The following FGG variants were observed in gnomAD, a reference collection of about 807,000 sequenced individuals.
The protein encoded by FGG is fibrinogen gamma chain.
FGG carries 20 observed loss-of-function variants against 51.7 expected under a neutral mutation model. The observed-to-expected ratio is 0.39, with a 90% CI of 0.27 to 0.56. The LOEUF (loss-of-function observed/expected upper bound fraction) is 0.56. Among genes scored for constraint, FGG ranks in the 20% least tolerant of loss-of-function variants. FGG has a pLI of 0.64. For synonymous variants in FGG, 184 were observed against 184.7 expected, an observed-to-expected ratio of 1.00 and a Z score of 0.03; for missense variants, 460 against 534.2, an observed-to-expected ratio of 0.86 and a Z score of 1.37.
In FGG at chr4:154,604,263, G is replaced by A; in HGVS notation, c.*571C>T. The A allele has an allele frequency of 8.3e-7, 1 of 1,201,904 alleles. No individual in the cohort carries two copies. The highest frequency in any genetic ancestry group is 1.1e-6 in the Non-Finnish European group (1 of 880,588). 74.5% of individuals were successfully genotyped at this position (1,201,904 alleles called of 1,614,324 possible). ...TGAAGTGAAGCTTTGCAAGTCCATT[G>A]TCCAATAGGAAAAATATTATATCTC... On this transcript the variant is annotated 3_prime_UTR_variant, in exon 9 of 9. Transcript: ENST00000336098.
At position 154,604,712 on chromosome 4, in the gene FGG, T is replaced by C. The variant is rs776739809; in HGVS notation, c.*122A>G. ...AGTCCTAAATGAGTTTTAATTTCCATTGAAGGCTAAATGTCCTTAATAGAA... is the reference window on the plus strand; with the variant it reads ...AGTCCTAAATGAGTTTTAATTTCCACTGAAGGCTAAATGTCCTTAATAGAA... On this transcript the variant is annotated 3_prime_UTR_variant, in exon 9 of 9. Transcript: ENST00000336098. The C allele has an allele frequency of 7.3e-5, 111 of 1,517,508 alleles. No individual in the cohort carries two copies. Among genetic ancestry groups the C allele is most frequent in the Non-Finnish European group, 9.3e-5 (106 of 1,137,314 alleles). The allele number at this position is 1,517,508 out of a possible 1,614,324, so 94.0% of individuals were successfully genotyped here.
chr4:154,609,569 C>T lies in FGG; in HGVS notation c.666+61G>A, dbSNP rs1731162169. 6 of 1,596,530 alleles carry T rather than the reference C, an allele frequency of 3.8e-6. No individual in the cohort carries two copies. In the African/African-American group the frequency reaches 5.4e-5, roughly 14 times the overall value. On this transcript the variant is annotated intron_variant, in intron 6 of 8. Transcript: ENST00000336098. ...GTTCACAAGGTGCTTAGAAAAGTAT[C>T]TGCCATATGGCAGAAACAATGTAGG... is the stretch of plus-strand genomic sequence containing the variant.
chr4:154,610,417 C>A (rs1054936458), intron 4 of FGG, among the ~76,000 whole-genome samples: 1 of 151,936 alleles, frequency 6.6e-6, no homozygotes, highest in Admixed American at 6.6e-5. Context: ...ATCAAAAAAT[C>A]AATTAAAACA....
Position 154,607,940 on chromosome 4 carries a change from T to C in FGG, c.851+526A>G, listed in dbSNP as rs181024882. On this transcript the variant is annotated intron_variant, in intron 7 of 8. Coordinates refer to ENST00000336098, the MANE Select transcript of FGG (RefSeq NM_021870.3). ...ATCAAAAGAGCTAGCTGGTTTACTT[T>C]TAGGGTAGCTCATGATTTGACAGAA... Among the ~76,000 whole-genome samples the C allele has an allele frequency of 2.2e-3, 334 of 152,248 alleles. 1 individual carries two copies. Among genetic ancestry groups the C allele is most frequent in the African/African-American group, 7.3e-3 (303 of 41,554 alleles).
intron 8 of FGG, among the ~76,000 whole-genome samples, 195 bp from the exon 9 acceptor site, chr4:154,605,261 C>T (rs1181016824): frequency 1.3e-5 from 2 of 152,138 alleles, no homozygotes; most frequent in African/African-American, 4.8e-5. Flanking sequence ...AACATCTGTG[C>T]TGTGACTCAT....
At position 154,609,710 on chromosome 4, in the gene FGG, T is replaced by C; in HGVS notation, c.586A>G (p.Lys196Glu). 3 of 1,614,018 alleles carry C rather than the reference T, an allele frequency of 1.9e-6. No individual in the cohort carries two copies. The highest frequency in any genetic ancestry group is 2.5e-6 in the Non-Finnish European group (3 of 1,179,906). ...AATTGCTGGTTAGCTTTCAGAGGTTTAATAAAGTAAAGCCCGCTCTGTTTA... is the reference window on the plus strand; with the variant it reads ...AATTGCTGGTTAGCTTTCAGAGGTTCAATAAAGTAAAGCCCGCTCTGTTTA... ...GAKQSGLYFI[K>E]PLKANQQFLV... The change falls in exon 6 of 9, where the codon AAA (lysine) becomes GAA (glutamate). Residue 196 changes from lysine to glutamate, a missense_variant. Around this residue, in one of 3 missense-constraint regions of FGG, gnomAD observed 353 missense variants for 391.7 expected, o/e 0.90. Transcript: ENST00000336098.
Position 154,604,221 on chromosome 4 carries a change from G to T in FGG, c.*613C>A. 1.4e-6 allele frequency: 1 copy of T among 696,692 alleles called. No individual in the cohort carries two copies. Among genetic ancestry groups the T allele is most frequent in the Non-Finnish European group, 2.3e-6 (1 of 436,460 alleles). 43.2% of individuals were successfully genotyped at this position (696,692 alleles called of 1,614,324 possible). On this transcript the variant is annotated 3_prime_UTR_variant, in exon 9 of 9. Transcript: ENST00000336098. ...ACTGTTATGGAGTTTTCAACATGGG[G>T]TCTTTTGCTCTTAAAATGAAGTGAA...
chr4:154,605,091 A>G, intron 8 of FGG, 25 bp from the exon 9 acceptor site: 1 of 1,613,628 alleles, frequency 6.2e-7, no homozygotes, highest in Non-Finnish European at 8.5e-7. Flanking sequence ...AGATGTACAT[A>G]TCATTATTCT....
Position 154,604,341 on chromosome 4 carries a change from T to A in FGG, c.*493A>T. On this transcript the variant is annotated 3_prime_UTR_variant, in exon 9 of 9. Coordinates refer to ENST00000336098, the MANE Select transcript of FGG (RefSeq NM_021870.3). ...GTAAATCTCTTTTGAAACGGTCTTT[T>A]AAACGTCTCCAGCCTGTGAATATAT... 6.6e-7 allele frequency: 1 copy of A among 1,515,246 alleles called. No homozygotes were observed. Among genetic ancestry groups the A allele is most frequent in the East Asian group, 2.5e-5 (1 of 39,424 alleles). The allele number at this position is 1,515,246 out of a possible 1,614,324, so 93.9% of individuals were successfully genotyped here.
rs191297318 is a variant in FGG, at chr4:154,604,346, G to A, written c.*488C>T. ...TCTCTTTTGAAACGGTCTTTTAAAC[G>A]TCTCCAGCCTGTGAATATATAACAA... On this transcript the variant is annotated 3_prime_UTR_variant, in exon 9 of 9. Transcript: ENST00000336098. 2.3e-3 allele frequency: 3,488 copies of A among 1,510,082 alleles called. 100 individuals carry two copies. Among genetic ancestry groups the A allele is most frequent in the Non-Finnish European group, 3.6e-4 (404 of 1,131,912 alleles). The allele number at this position is 1,510,082 out of a possible 1,614,324, so 93.5% of individuals were successfully genotyped here. A position where few individuals can be genotyped will look rare whatever the true frequency, so the allele number is the denominator to read the frequency against.
Position 154,612,113 on chromosome 4 carries a change from T to A in FGG, c.212A>T (p.Asp71Val), listed in dbSNP as rs1445293623. 1.9e-6 allele frequency: 3 copies of A among 1,612,700 alleles called. No individual in the cohort carries two copies. Among genetic ancestry groups the A allele is most frequent in the South Asian group, 1.1e-5 (1 of 91,012 alleles). The change falls in exon 3 of 9, where the codon GAC (aspartate) becomes GTC (valine). Residue 71 changes from aspartate (D) to valine (V), a missense_variant. By Grantham distance (152) the Asp-to-Val change is radical (BLOSUM62 -3). Around this residue, in one of 3 missense-constraint regions of FGG, gnomAD observed 353 missense variants for 391.7 expected, o/e 0.90. Transcript: ENST00000336098. ...TTTGTTTTCAACTTGATGTAAGATGTCTTCCAAAGACTGTAGATCCTTGTC... is the reference window on the plus strand; with the variant it reads ...TTTGTTTTCAACTTGATGTAAGATGACTTCCAAAGACTGTAGATCCTTGTC... ...KVDKDLQSLE[D>V]ILHQVENKTS... is the part of the protein sequence containing the mutation.
intron 8 of FGG, 84 bp from the exon 9 acceptor site, chr4:154,605,150 T>C: frequency 1.4e-6 from 2 of 1,412,030 alleles, no homozygotes; most frequent in Non-Finnish European, 2.0e-6. Flanking sequence ...TATTACGAAG[T>C]GCATTGCCAG....
At chr4:154,610,740 A>G (rs1731196110) in intron 4 of FGG, among the ~76,000 whole-genome samples, 1 of 152,282 alleles carries the variant, frequency 6.6e-6, no homozygotes, top group Admixed American at 6.5e-5. Context: ...ACACAGGGAC[A>G]TGATCTGGAA....
chr4:154,608,847 A>G (rs1377941036), intron 6 of FGG, among the ~76,000 whole-genome samples, 197 bp from the exon 7 acceptor site: 1 of 152,200 alleles, frequency 6.6e-6, no homozygotes, highest in African/African-American at 2.4e-5. Context: ...TGCTGCAAGG[A>G]TCATGAGAGA....
chr4:154,610,705 T>C (rs1298974963), intron 4 of FGG, among the ~76,000 whole-genome samples: 1 of 152,154 alleles, frequency 6.6e-6, no homozygotes, highest in Non-Finnish European at 1.5e-5. Flanking sequence ...GCTATACATA[T>C]AAGCTTCAAT....
chr4:154,612,304 G>A, intron 2 of FGG, 87 bp downstream of exon 2: 1 of 1,582,278 alleles, frequency 6.3e-7, no homozygotes, highest in Non-Finnish European at 8.7e-7. Context: ...AGTTACAAGT[G>A]CCAGATGATA....
At position 154,612,528 on chromosome 4, in the gene FGG, T is replaced by C. The variant is rs556828126; in HGVS notation, c.78+4A>G. The C allele has an allele frequency of 6.2e-7, 1 of 1,614,022 alleles. No homozygotes were observed. Among genetic ancestry groups the C allele is most frequent in the East Asian group, 2.2e-5 (1 of 44,880 alleles). On this transcript the variant is annotated splice_donor_region_variant and intron_variant, in intron 1 of 8. Coordinates refer to ENST00000336098, the MANE Select transcript of FGG (RefSeq NM_021870.3). Reference sequence around the variant, plus strand: ...AAACAACGTTTTGTGAAGAGCACACTTACTGCTACACATGTTGAAGAGAGA... The same window carrying C: ...AAACAACGTTTTGTGAAGAGCACACCTACTGCTACACATGTTGAAGAGAGA...
intron 7 of FGG, among the ~76,000 whole-genome samples, chr4:154,607,434 C>A (rs1308884800): frequency 6.6e-6 from 1 of 152,080 alleles, no homozygotes; most frequent in African/African-American, 2.4e-5. Flanking sequence ...ACTCATAGCA[C>A]CTGAAGGGTT....
intron 4 of FGG, among the ~76,000 whole-genome samples, chr4:154,610,465 G>A (rs533835239): frequency 2.0e-5 from 3 of 152,216 alleles, no homozygotes; most frequent in Admixed American, 1.3e-4. Context: ...TACTTAGAAT[G>A]GGGCATATTG....
Sources: gnomAD v4.1 joint callset for allele counts (sites outside exome capture counted in the v4.1 genomes callset) on GRCh38, gnomAD v4.1.1 for gene constraint, gnomAD v4.1.1 regional missense constraint, MANE v1.5 for transcripts, NCBI Gene and HGNC (gene_info 2026-07-23, HGNC 2026-07-21) for gene names.